CEP192: variants seen among roughly 807,000 people sequenced by gnomAD.
CEP192 encodes centrosomal protein 192, also known as centrosomal protein of 192 kDa.
In CEP192, 151 loss-of-function variants were observed where a neutral mutation model predicts 271.8. That is an observed-to-expected ratio of 0.56 (90% confidence interval 0.49 to 0.64). The LOEUF (loss-of-function observed/expected upper bound fraction) is 0.64, where lower values mean the gene tolerates loss of function less well. CEP192 is among the 30% of genes least tolerant of loss of function. The pLI, the probability that CEP192 is intolerant of heterozygous loss-of-function variation, is 0.00. For missense variants in CEP192, 2,910 were observed against 3,020.5 expected, an observed-to-expected ratio of 0.96 and a Z score of 0.86; for synonymous variants, 995 against 1,076.5, an observed-to-expected ratio of 0.92 and a Z score of 1.48.
intron 36 of CEP192, among the ~76,000 whole-genome samples, chr18:13,098,755 G>A (rs1273894602): frequency 8.6e-5 from 13 of 151,688 alleles, no homozygotes; most frequent in Admixed American, 6.6e-4. Flanking sequence ...AGGCAGAGAC[G>A]CTCCTCACTT....
intron 9 of CEP192, among the ~76,000 whole-genome samples, chr18:13,021,744 A>G (rs1384373354): frequency 6.6e-6 from 1 of 152,206 alleles, no homozygotes; most frequent in Non-Finnish European, 1.5e-5. Flanking sequence ...ATGAAGACAC[A>G]GGATGTGTGT....
chr18:13,029,573 T>C, intron 9 of CEP192, 90 bp from the exon 10 acceptor site: 1 of 756,372 alleles, frequency 1.3e-6, no homozygotes, highest in South Asian at 2.1e-5. Flanking sequence ...TTATATCAAC[T>C]ATATAATTTT....
At chr18:13,108,664 G>A (rs761602982) in intron 40 of CEP192, among the ~76,000 whole-genome samples, 12 of 152,170 alleles carry the variant, frequency 7.9e-5, no homozygotes, top group East Asian at 3.8e-4. Context: ...GCAACATGGC[G>A]AAACTCTGTC....
At chr18:12,997,039 G>C (rs2033292484) in intron 1 of CEP192, among the ~76,000 whole-genome samples, 1 of 152,024 alleles carries the variant, frequency 6.6e-6, no homozygotes, top group African/African-American at 2.4e-5. Flanking sequence ...TTTAAAAGGT[G>C]GGAGAAATAA....
In CEP192 at chr18:13,087,642, C is replaced by A; in HGVS notation, c.5989C>A (p.Arg1997Ser). 1 of 1,473,368 alleles carries A rather than the reference C, an allele frequency of 6.8e-7. No individual in the cohort carries two copies. The highest frequency in any genetic ancestry group is 9.3e-7 in the Non-Finnish European group (1 of 1,078,676). The allele number at this position is 1,473,368 out of a possible 1,614,324, so 91.3% of individuals were successfully genotyped here. The change falls in exon 32 of 45, where the codon CGC becomes AGC. Residue 1997 changes from arginine (R) to serine (S), a missense_variant. Coordinates refer to ENST00000506447, the MANE Select transcript of CEP192 (RefSeq NM_032142.4). ...AGATGAAATTTCAAGACAGCAGTAT[C>A]GCAGGTAGATTACTTATCTTACACA... ...GGDEISRQQY[R>S]RALLHKPEMI...
At chr18:13,117,059 C>CA (rs35259763) in intron 43 of CEP192, among the ~76,000 whole-genome samples, 49,133 of 139,832 alleles carry the variant, frequency 0.35, 8,509 homozygotes, top group Admixed American at 0.42. Flanking sequence ...CCATCTCTAC[C>CA]AAAAAAAAAA....
rs749980447 is a variant in CEP192, at chr18:13,087,084, G to A, written c.5684G>A (p.Ser1895Asn). The A allele has an allele frequency of 4.3e-6, 7 of 1,613,466 alleles. No individual in the cohort carries two copies. The highest frequency in any genetic ancestry group is 5.9e-6 in the Non-Finnish European group (7 of 1,179,430). ...ILEGVKKLSDSYMVTVNGLVP... is the reference protein window; with the variant it reads ...ILEGVKKLSDNYMVTVNGLVP... Reference sequence around the variant, plus strand: ...GAAGGCGTTAAAAAATTATCTGACAGTTACATGGTAACAGTGAATGGCTTA... The same window carrying A: ...GAAGGCGTTAAAAAATTATCTGACAATTACATGGTAACAGTGAATGGCTTA... The change falls in exon 31 of 45, where the codon AGT becomes AAT. Residue 1895 changes from serine to asparagine, a missense_variant. Ser to Asn is a conservative substitution (Grantham distance 46, BLOSUM62 1). Transcript: ENST00000506447.
At chr18:13,041,367 GA>G in intron 14 of CEP192, among the ~76,000 whole-genome samples, 1 of 151,972 alleles carries the variant, frequency 6.6e-6, no homozygotes, top group East Asian at 1.9e-4. Flanking sequence ...GGTCAGCTTG[GA>G]ATTATCATGC....
At position 13,019,361 on chromosome 18, in the gene CEP192, A is replaced by G. The variant is rs1217400973; in HGVS notation, c.1050+155A>G. Among the ~76,000 whole-genome samples, 13 of 152,334 alleles carry G rather than the reference A, an allele frequency of 8.5e-5. No individual in the cohort carries two copies. The East Asian group carries it at 2.3e-3, about 27-fold the overall frequency. ...CTACTGATAATTTTTCGATATGTTT[A>G]TAAGTATCATACAATTATATACATT... On this transcript the variant is annotated intron_variant, in intron 9 of 44. Transcript: ENST00000506447.
chr18:12,999,462 C>T lies in CEP192; in HGVS notation c.38C>T (p.Pro13Leu), dbSNP rs1364745698. ...CGAGGTATAGCAGAAGAATCATTTC[C>T]AAGCTTTCTCACCAATTCATTATTT... ...DFRGIAEESFPSFLTNSLFGN... is the reference protein window; with the variant it reads ...DFRGIAEESFLSFLTNSLFGN... The change falls in exon 2 of 45, where the codon CCA becomes CTA. Residue 13 changes from proline (P) to leucine (L), a missense_variant. Physicochemically the swap from Pro to Leu is moderately conservative, Grantham distance 98. Transcript: ENST00000506447. 6.5e-7 allele frequency: 1 copy of T among 1,548,700 alleles called. No individual in the cohort carries two copies. The highest frequency in any genetic ancestry group is 8.7e-7 in the Non-Finnish European group (1 of 1,146,146).
Position 13,115,380 on chromosome 18 carries a change from A to T in CEP192, c.7290-997A>T, listed in dbSNP as rs369621635. On this transcript the variant is annotated intron_variant, in intron 42 of 44. Transcript: ENST00000506447. The stretch of plus-strand genomic sequence containing the variant: ...TGAGGAGGATGAGTGGAAACGGCCT[A>T]GGTGAGGAGGGTCGGAGAAGTTCCC... Among the ~76,000 whole-genome samples the T allele has an allele frequency of 5.6e-4, 86 of 152,314 alleles. 2 individuals are homozygous for T. The highest frequency in any genetic ancestry group is 2.0e-3 in the African/African-American group (82 of 41,566).
rs765476163 is a variant in CEP192 at position 13,069,090 on chromosome 18, C to A, written c.4964C>A (p.Thr1655Lys). Reference protein sequence around the residue: ...ARIHAPRDLQTMHFLAKVASS... With the variant: ...ARIHAPRDLQKMHFLAKVASS... ...TGTCTGTCTTGCCCCATCCTCCAGACGATGCATTTCTTGGCCAAAGTGGCT... is the reference window on the plus strand; with the variant it reads ...TGTCTGTCTTGCCCCATCCTCCAGAAGATGCATTTCTTGGCCAAAGTGGCT... Residue 1655 changes from threonine (T) to lysine (K), a missense_variant and splice_region_variant, in exon 26 of 45, where the codon ACG becomes AAG. Transcript: ENST00000506447. 3 of 1,614,102 alleles carry A rather than the reference C, an allele frequency of 1.9e-6. No homozygotes were observed. The highest frequency in any genetic ancestry group is 2.5e-6 in the Non-Finnish European group (3 of 1,179,948).
chr18:13,053,000 G>A lies in CEP192; in HGVS notation c.3099G>A (p.Ser1033=), dbSNP rs371053736. The A allele has an allele frequency of 2.2e-5, 35 of 1,613,770 alleles. No individual in the cohort carries two copies. The highest frequency in any genetic ancestry group is 1.5e-4 in the Admixed American group (9 of 59,990). ...AGGAGTTGTCTCCCTTGGTGTGCTC[G>A]CCTGCTGGGGTGAGCAGGCTGACGT... ...CEQELSPLVC[S]PAGVSRLTYV... The change falls in exon 18 of 45, where the codon TCG becomes TCA. Residue 1033 remains serine, a synonymous_variant. Coordinates refer to ENST00000506447, the MANE Select transcript of CEP192 (RefSeq NM_032142.4).
chr18:13,010,698 T>C (rs2034291147), intron 4 of CEP192, among the ~76,000 whole-genome samples: 1 of 151,802 alleles, frequency 6.6e-6, no homozygotes, highest in Admixed American at 6.6e-5. Context: ...AATACAAAAT[T>C]AGCCGGGCAT....
intron 3 of CEP192, among the ~76,000 whole-genome samples, chr18:13,005,245 A>G (rs748045280): frequency 2.6e-5 from 4 of 152,140 alleles, no homozygotes; most frequent in Admixed American, 6.5e-5. Context: ...TAGTAAGGTG[A>G]AAGGAATGTT....
At chr18:13,046,211 G>A (rs957258170) in intron 15 of CEP192, among the ~76,000 whole-genome samples, 2 of 152,082 alleles carry the variant, frequency 1.3e-5, no homozygotes, top group African/African-American at 4.8e-5. Context: ...GATGGGGAAG[G>A]TGCCACACAC....
intron 1 of CEP192, among the ~76,000 whole-genome samples, chr18:12,996,229 G>GA (rs1331349842): frequency 7.3e-6 from 1 of 137,014 alleles, no homozygotes; most frequent in Non-Finnish European, 1.6e-5. Flanking sequence ...AGGTTGGGGG[G>GA]ATGCAGCAAG....
In CEP192 at chr18:13,001,514, G is replaced by A. The variant is rs904105744; in HGVS notation, c.222G>A (p.Gly74=). The change falls in exon 3 of 45, where the codon GGG becomes GGA. Residue 74 remains glycine, a synonymous_variant. Transcript: ENST00000506447. ...LVEGRFSVPS[G]SSPGSQSDAE... ...AAGGGAGATTTTCAGTTCCATCCGGGTCATCTCCCGGAAGCCAGAGTGATG... is the reference window on the plus strand; with the variant it reads ...AAGGGAGATTTTCAGTTCCATCCGGATCATCTCCCGGAAGCCAGAGTGATG... 94 of 1,550,816 alleles carry A rather than the reference G, an allele frequency of 6.1e-5. No homozygotes were observed. The highest frequency in any genetic ancestry group is 7.6e-5 in the Non-Finnish European group (87 of 1,146,552).
intron 30 of CEP192, among the ~76,000 whole-genome samples, chr18:13,081,564 T>C (rs2038610155): frequency 6.6e-6 from 1 of 152,226 alleles, no homozygotes; most frequent in Non-Finnish European, 1.5e-5. Context: ...CTATCAATTT[T>C]GTTGATCTTT....
Sources: allele counts gnomAD v4.1 joint callset (sites outside exome capture counted in the v4.1 genomes callset), GRCh38; gene constraint gnomAD v4.1.1; transcripts MANE v1.5; gene names NCBI Gene and HGNC (gene_info 2026-07-23, HGNC 2026-07-21).